The following TGDS variants were observed in gnomAD, a reference collection of about 807,000 sequenced individuals.
The protein encoded by TGDS is UDP-D-glucose 4,6-dehydratase.
Under a neutral mutation model 52.3 loss-of-function variants are expected in TGDS, and 47 were observed. The observed-to-expected ratio is 0.90, with a 90% CI of 0.71 to 1.15. The LOEUF (loss-of-function observed/expected upper bound fraction) is 1.15, where lower values mean the gene tolerates loss of function less well. Ranked by LOEUF, TGDS falls within the 50% of genes most tolerant of loss-of-function variation. The pLI is 0.00. For missense variants in TGDS, 375 were observed against 418.4 expected, an observed-to-expected ratio of 0.90 and a Z score of 0.90; for synonymous variants, 115 against 136.9, an observed-to-expected ratio of 0.84 and a Z score of 1.12.
intron 9 of TGDS, 133 bp downstream of exon 9, chr13:94,577,872 G>T: frequency 1.1e-6 from 1 of 907,398 alleles, no homozygotes; most frequent in Non-Finnish European, 1.6e-6. Flanking sequence ...GACACATATG[G>T]TACACAAAAT....
rs188630095 is a variant in TGDS, at chr13:94,588,338, G to C, written c.313+2515C>G. ...CTCAGGAGGCTGAGGCAGGAGAATCGCTTGAATCTGGGAGGCGGAGGTTGC... is the reference window on the plus strand; with the variant it reads ...CTCAGGAGGCTGAGGCAGGAGAATCCCTTGAATCTGGGAGGCGGAGGTTGC... On this transcript the variant is annotated intron_variant, in intron 4 of 11. Coordinates refer to ENST00000261296, the MANE Select transcript of TGDS (RefSeq NM_014305.4). 4.0e-3 allele frequency among the ~76,000 whole-genome samples: 570 copies of C among 142,080 alleles called. 4 individuals carry two copies. Among genetic ancestry groups the C allele is most frequent in the African/African-American group, 0.013 (522 of 38,690 alleles). 93.2% of individuals were successfully genotyped at this position (142,080 alleles called of 152,430 possible).
At chr13:94,577,641 T>C (rs1468365969) in intron 9 of TGDS, among the ~76,000 whole-genome samples, 2 of 152,214 alleles carry the variant, frequency 1.3e-5, no homozygotes, top group Non-Finnish European at 2.9e-5. Context: ...ATTATTCAGT[T>C]CCTCTTTCTA....
intron 3 of TGDS, 44 bp from the exon 4 acceptor site, chr13:94,590,987 C>A (rs1217622705): frequency 7.4e-7 from 1 of 1,360,406 alleles, no homozygotes; most frequent in Non-Finnish European, 1.0e-6. Context: ...TTTCATACAG[C>A]ACTCTCATTC....
At chr13:94,587,960 G>A (rs918781260) in intron 4 of TGDS, among the ~76,000 whole-genome samples, 3 of 136,980 alleles carry the variant, frequency 2.2e-5, no homozygotes, top group African/African-American at 8.4e-5. Flanking sequence ...TTGCGCCACT[G>A]CACTCCAGCC....
At chr13:94,580,124 T>C (rs1316237449) in intron 6 of TGDS, among the ~76,000 whole-genome samples, 171 bp from the exon 7 acceptor site, 1 of 152,012 alleles carries the variant, frequency 6.6e-6, no homozygotes, top group Non-Finnish European at 1.5e-5. Flanking sequence ...AAGGAGAGAA[T>C]AGGATTCAGA....
intron 5 of TGDS, among the ~76,000 whole-genome samples, chr13:94,582,556 G>C (rs1221430523): frequency 6.6e-6 from 1 of 152,226 alleles, no homozygotes; most frequent in Non-Finnish European, 1.5e-5. Context: ...TTAACACTAA[G>C]TGTCAACTTG....
In TGDS at chr13:94,579,888, A is replaced by G; in HGVS notation, c.615+6T>C. The G allele has an allele frequency of 6.4e-7, 1 of 1,562,458 alleles. No individual in the cohort carries two copies. Among genetic ancestry groups the G allele is most frequent in the Non-Finnish European group, 8.8e-7 (1 of 1,141,100 alleles). ...AAAACACCATGAATTAAGAAGTAAA[A>G]TTTACCTTTTCTGGATATTGATGTG... On this transcript the variant is annotated splice_donor_region_variant and intron_variant, in intron 7 of 11. Coordinates refer to ENST00000261296, the MANE Select transcript of TGDS (RefSeq NM_014305.4).
intron 10 of TGDS, 61 bp from the exon 11 acceptor site, chr13:94,576,472 T>C (rs2139512680): frequency 8.5e-7 from 1 of 1,176,278 alleles, no homozygotes; most frequent in South Asian, 1.8e-5. Flanking sequence ...ATTTAGATAT[T>C]AGGAGATATG....
intron 3 of TGDS, 43 bp downstream of exon 3, chr13:94,592,198 A>G (rs757473734): frequency 2.1e-6 from 3 of 1,435,922 alleles, no homozygotes; most frequent in Non-Finnish European, 9.6e-7. Context: ...TAATCTCTGC[A>G]TGACTAAAGA....
chr13:94,577,287 T>C (rs1888635782), intron 10 of TGDS, 84 bp downstream of exon 10: 8 of 1,043,226 alleles, frequency 7.7e-6, no homozygotes, highest in South Asian at 1.9e-5. Flanking sequence ...ATAAACTAGT[T>C]ATTGGTCAAG....
intron 2 of TGDS, among the ~76,000 whole-genome samples, chr13:94,593,543 G>A (rs1417199139): frequency 6.6e-6 from 1 of 152,056 alleles, no homozygotes; most frequent in Admixed American, 6.6e-5. Context: ...ATTGCCTTAT[G>A]AATTTTTCTT....
intron 5 of TGDS, among the ~76,000 whole-genome samples, chr13:94,581,874 A>G (rs534649487): frequency 2.6e-5 from 4 of 152,328 alleles, no homozygotes; most frequent in African/African-American, 9.6e-5. Context: ...TTGCCTAAAA[A>G]GTGTAATATT....
At chr13:94,583,977 A>G (rs530401672) in intron 4 of TGDS, among the ~76,000 whole-genome samples, 11 of 152,348 alleles carry the variant, frequency 7.2e-5, no homozygotes, top group African/African-American at 2.6e-4. Flanking sequence ...AGAAAAACCC[A>G]AATTAAAAAC....
chr13:94,579,931 C>T lies in TGDS; in HGVS notation c.578G>A (p.Ser193Asn), dbSNP rs748710870. Residue 193 changes from serine (S) to asparagine (N), a missense_variant, in exon 7 of 12, where the codon AGC becomes AAC. By Grantham distance (46) the Ser-to-Asn change is conservative. Coordinates refer to ENST00000261296, the MANE Select transcript of TGDS (RefSeq NM_014305.4). ...TTGATGTGGTCCATAAACATTACTG[C>T]TTCTTGTGATGACAACTGGAAACTT... ...QYKFPVVITRSSNVYGPHQYP... is the reference protein window; with the variant it reads ...QYKFPVVITRNSNVYGPHQYP... 3 of 1,603,906 alleles carry T rather than the reference C, an allele frequency of 1.9e-6. No individual in the cohort carries two copies. Among genetic ancestry groups the T allele is most frequent in the Non-Finnish European group, 1.7e-6 (2 of 1,173,240 alleles).
chr13:94,592,191 T>C (rs764013647), intron 3 of TGDS, 50 bp downstream of exon 3: 3 of 1,369,120 alleles, frequency 2.2e-6, no homozygotes, highest in Non-Finnish European at 3.0e-6. Flanking sequence ...GATACTATAA[T>C]CTCTGCATGA....
chr13:94,588,897 G>T (rs1446408646), intron 4 of TGDS, among the ~76,000 whole-genome samples: 1 of 152,126 alleles, frequency 6.6e-6, no homozygotes, highest in Admixed American at 6.6e-5. Flanking sequence ...AGAAACTGGT[G>T]AACTTTTCAA....
At chr13:94,587,791 A>G (rs1889043804) in intron 4 of TGDS, among the ~76,000 whole-genome samples, 1 of 150,100 alleles carries the variant, frequency 6.7e-6, no homozygotes, top group Non-Finnish European at 1.5e-5. Flanking sequence ...AGGTCAGGAG[A>G]TCGAGACCGT....
intron 6 of TGDS, among the ~76,000 whole-genome samples, chr13:94,580,494 C>T (rs1888751629): frequency 6.6e-6 from 1 of 152,124 alleles, no homozygotes; most frequent in East Asian, 1.9e-4. Flanking sequence ...TGGGGTAAGG[C>T]TCCCATACTG....
At chr13:94,586,953 C>A (rs1889011426) in intron 4 of TGDS, among the ~76,000 whole-genome samples, 1 of 151,876 alleles carries the variant, frequency 6.6e-6, no homozygotes, top group South Asian at 2.1e-4. Context: ...TTTGTACAGA[C>A]AGGGTCTCAC....
Sources: gnomAD v4.1 joint callset for allele counts (sites outside exome capture counted in the v4.1 genomes callset) on GRCh38, gnomAD v4.1.1 for gene constraint, MANE v1.5 for transcripts, NCBI Gene and HGNC (gene_info 2026-07-23, HGNC 2026-07-21) for gene names.